The following GYPE variants were observed in gnomAD, a reference collection of about 807,000 sequenced individuals.
The protein encoded by GYPE is glycophorin E (MNS blood group).
A neutral mutation model predicts 11.6 loss-of-function variants in GYPE; 8 were observed. The ratio of observed to expected loss-of-function variants is 0.69; its 90% confidence interval spans 0.41 to 1.25. GYPE has a LOEUF of 1.25. Ranked by LOEUF, GYPE falls within the 50% of genes most tolerant of loss-of-function variation. GYPE has a pLI of 0.01. For synonymous variants in GYPE, 28 were observed against 29.6 expected (o/e 0.94, Z 0.18); for missense variants, 90 against 92.8 (o/e 0.97, Z 0.12).
intron 2 of GYPE, among the ~76,000 whole-genome samples, chr4:143,879,027 G>T (rs1229358029): frequency 6.6e-6 from 1 of 152,082 alleles, no homozygotes; most frequent in Non-Finnish European, 1.5e-5. Flanking sequence ...AAGAAAGGAG[G>T]CATATGGAGC....
intron 1 of GYPE, among the ~76,000 whole-genome samples, chr4:143,892,197 T>C (rs1460941131): frequency 6.6e-6 from 1 of 152,186 alleles, no homozygotes; most frequent in African/African-American, 2.4e-5. Flanking sequence ...GATTCTTCTC[T>C]CTTTTTTTCT....
intron 1 of GYPE, among the ~76,000 whole-genome samples, chr4:143,898,880 T>C (rs1160975171): frequency 5.3e-5 from 8 of 151,618 alleles, no homozygotes. Context: ...TTGTGGTCTT[T>C]TTCCTAGCAA....
intron 1 of GYPE, among the ~76,000 whole-genome samples, chr4:143,901,641 GT>G (rs33916523): frequency 6.7e-6 from 1 of 149,040 alleles, no homozygotes. Flanking sequence ...GAAGGATTGG[GT>G]TTTTTTTTTG....
intron 1 of GYPE, among the ~76,000 whole-genome samples, chr4:143,896,052 C>T (rs1452155041): frequency 5.3e-5 from 8 of 152,120 alleles, no homozygotes; most frequent in Non-Finnish European, 1.2e-4. Context: ...ACCATAAAAA[C>T]CCTAGAAGAA....
In GYPE at chr4:143,872,002, T is replaced by G. The variant is rs1372479504; in HGVS notation, c.*260A>C. On this transcript the variant is annotated 3_prime_UTR_variant, in exon 4 of 4. Transcript: ENST00000358615. ...AACACAATGAGGCATGGGATAAGGA[T>G]TTCGTGATGAGAATCGGGCAGAACT... 8 of 152,170 alleles carry G rather than the reference T, an allele frequency of 5.3e-5. No individual in the cohort carries two copies. Among genetic ancestry groups the G allele is most frequent in the Non-Finnish European group, 2.9e-5 (2 of 68,016 alleles). 9.4% of individuals were successfully genotyped at this position (152,170 alleles called of 1,614,324 possible).
Position 143,872,939 on chromosome 4 carries a change from A to T in GYPE, c.*10-687T>A, listed in dbSNP as rs184966646. ...TGGACAGGTCAGAACTTCAGAGAGCATGCTAACAAGTGGTGATTTTATTCT... is the reference window on the plus strand; with the variant it reads ...TGGACAGGTCAGAACTTCAGAGAGCTTGCTAACAAGTGGTGATTTTATTCT... On this transcript the variant is annotated intron_variant, in intron 3 of 3. Transcript: ENST00000358615. Among the ~76,000 whole-genome samples the T allele has an allele frequency of 2.0e-5, 3 of 148,454 alleles. No individual in the cohort carries two copies. In the Admixed American group the frequency reaches 2.0e-4, roughly 10 times the overall value.
At chr4:143,877,549 A>G (rs528576409) in intron 2 of GYPE, among the ~76,000 whole-genome samples, 2 of 152,332 alleles carry the variant, frequency 1.3e-5, no homozygotes, top group East Asian at 3.9e-4. Context: ...GCATATTTGT[A>G]GTGCTTCCAG....
rs561597165 is a variant in GYPE at position 143,873,147 on chromosome 4, T to G, written c.*10-895A>C. 1.6e-3 allele frequency among the ~76,000 whole-genome samples: 246 copies of G among 149,376 alleles called. 1 individual carries two copies. Among genetic ancestry groups the G allele is most frequent in the Non-Finnish European group, 2.4e-3 (159 of 67,066 alleles). On this transcript the variant is annotated intron_variant, in intron 3 of 3. Coordinates refer to ENST00000358615, the MANE Select transcript of GYPE (RefSeq NM_198682.3). ...TCCATTCTTTTTAGTAAGAATAAAT[T>G]CTGCTGGTCACCTTTTAGTGATTTC...
At chr4:143,889,933 C>G (rs1402714133) in intron 1 of GYPE, among the ~76,000 whole-genome samples, 2 of 152,176 alleles carry the variant, frequency 1.3e-5, no homozygotes, top group African/African-American at 4.8e-5. Flanking sequence ...TGAATTCAGA[C>G]CTGTGTAACT....
intron 1 of GYPE, among the ~76,000 whole-genome samples, chr4:143,903,539 A>G (rs1371045038): frequency 1.1e-4 from 16 of 147,948 alleles, no homozygotes; most frequent in African/African-American, 3.9e-4. Flanking sequence ...AAAAAAAAAA[A>G]AAAGAAAAAA....
At chr4:143,878,601 A>G in intron 2 of GYPE, 1 of 466,946 alleles carries the variant, frequency 2.1e-6, no homozygotes, top group Non-Finnish European at 4.4e-6. Flanking sequence ...ATAGTTTAAA[A>G]TGGAATGATT....
intron 1 of GYPE, among the ~76,000 whole-genome samples, chr4:143,894,993 A>G (rs538726167): frequency 4.6e-5 from 7 of 152,330 alleles, no homozygotes; most frequent in Admixed American, 4.6e-4. Flanking sequence ...TTAGGTATTG[A>G]TGGGATGTAT....
At chr4:143,900,865 C>T (rs907645897) in intron 1 of GYPE, among the ~76,000 whole-genome samples, 1 of 152,040 alleles carries the variant, frequency 6.6e-6, no homozygotes, top group African/African-American at 2.4e-5. Context: ...AAGAGGTTTC[C>T]TTTTGGAGTG....
At chr4:143,897,646 T>C (rs985280419) in intron 1 of GYPE, among the ~76,000 whole-genome samples, 2 of 152,184 alleles carry the variant, frequency 1.3e-5, no homozygotes, top group African/African-American at 4.8e-5. Flanking sequence ...GTTTTGAGCC[T>C]GATGAACCTG....
intron 1 of GYPE, among the ~76,000 whole-genome samples, chr4:143,882,615 A>T (rs915034039): frequency 2.6e-5 from 4 of 152,222 alleles, no homozygotes; most frequent in African/African-American, 9.7e-5. Context: ...ACTTGAGATC[A>T]GCCTTTGGCT....
At chr4:143,905,255 T>C (rs1467342358) in intron 1 of GYPE, among the ~76,000 whole-genome samples, 1 of 152,182 alleles carries the variant, frequency 6.6e-6, no homozygotes, top group Non-Finnish European at 1.5e-5. Flanking sequence ...CTTCTCATAC[T>C]AGAAAACTGG....
intron 3 of GYPE, chr4:143,873,413 T>G (rs528692220): frequency 2.2e-5 from 10 of 455,424 alleles, no homozygotes; most frequent in Non-Finnish European, 3.5e-5. Context: ...AGTTGAATAA[T>G]AAAGGTCTAA....
intron 1 of GYPE, among the ~76,000 whole-genome samples, chr4:143,898,143 G>A (rs762761570): frequency 2.0e-5 from 3 of 152,168 alleles, no homozygotes; most frequent in African/African-American, 4.8e-5. Flanking sequence ...TTGGGAGGCC[G>A]AGGCAGGTGG....
chr4:143,897,612 A>T (rs4086524), intron 1 of GYPE, among the ~76,000 whole-genome samples: 149,296 of 152,284 alleles, frequency 0.98, 73,254 homozygotes, highest in East Asian at 1. Flanking sequence ...GCACATTAAC[A>T]GTGTCTCAAT....
Sources: allele counts gnomAD v4.1 joint callset (sites outside exome capture counted in the v4.1 genomes callset), GRCh38; gene constraint gnomAD v4.1.1; transcripts MANE v1.5; gene names NCBI Gene and HGNC (gene_info 2026-07-23, HGNC 2026-07-21).